The following RC3H1 variants were observed in gnomAD, a reference collection of about 807,000 sequenced individuals.
RC3H1 encodes roquin-1.
RC3H1 carries 50 observed loss-of-function variants against 138.2 expected under a neutral mutation model. The ratio of observed to expected loss-of-function variants is 0.36; its 90% CI spans 0.29 to 0.46. The LOEUF (loss-of-function observed/expected upper bound fraction) is 0.46. Among genes scored for constraint, RC3H1 ranks in the 20% least tolerant of loss-of-function variants. The pLI, the probability that RC3H1 is intolerant of heterozygous loss-of-function variation, is 1.00. For missense variants in RC3H1, 1,031 were observed against 1,388.1 expected, an observed-to-expected ratio of 0.74 and a Z score of 4.09; for synonymous variants, 462 against 489.1, an observed-to-expected ratio of 0.94 and a Z score of 0.73.
chr1:173,966,441 C>T (rs1028358301), intron 9 of RC3H1, among the ~76,000 whole-genome samples: 2 of 152,060 alleles, frequency 1.3e-5, no homozygotes, highest in Admixed American at 6.5e-5. Flanking sequence ...CTCGGCTTGG[C>T]GCGGTGGCTC....
intron 1 of RC3H1, among the ~76,000 whole-genome samples, chr1:174,004,676 G>T (rs1299636782): frequency 6.6e-6 from 1 of 151,948 alleles, no homozygotes; most frequent in East Asian, 1.9e-4. Context: ...AAATTAGCTG[G>T]GCATAGTGGC....
intron 13 of RC3H1, among the ~76,000 whole-genome samples, chr1:173,955,215 A>T (rs7514069): frequency 2.4e-5 from 3 of 125,112 alleles, no homozygotes; most frequent in Middle Eastern, 4.6e-3. Context: ...GACAGTGTGA[A>T]ACTCTGTCAC....
intron 9 of RC3H1, among the ~76,000 whole-genome samples, chr1:173,967,072 A>G (rs1660152873): frequency 6.6e-6 from 1 of 152,188 alleles, no homozygotes; most frequent in African/African-American, 2.4e-5. Flanking sequence ...CTGTAATCCC[A>G]GCACTTTGGG....
intron 1 of RC3H1, among the ~76,000 whole-genome samples, chr1:173,997,971 C>T (rs946978057): frequency 6.6e-6 from 1 of 152,138 alleles, no homozygotes; most frequent in Non-Finnish European, 1.5e-5. Flanking sequence ...TTCTCAAAGA[C>T]AGTTTATATA....
chr1:173,988,491 T>G (rs12566842), intron 2 of RC3H1, among the ~76,000 whole-genome samples: 14,166 of 152,274 alleles, frequency 0.093, 881 homozygotes, highest in East Asian at 0.22. Context: ...TATTAAAAGA[T>G]ATCTCAACTG....
At chr1:173,968,929 G>C (rs928960442) in intron 9 of RC3H1, among the ~76,000 whole-genome samples, 2 of 147,238 alleles carry the variant, frequency 1.4e-5, no homozygotes, top group Non-Finnish European at 3.0e-5. Flanking sequence ...TGCAATCTCG[G>C]CTCACTGCAA....
At chr1:173,954,445 G>T (rs907239367) in intron 13 of RC3H1, among the ~76,000 whole-genome samples, 1 of 152,098 alleles carries the variant, frequency 6.6e-6, no homozygotes, top group Non-Finnish European at 1.5e-5. Context: ...GAAGGGGAGA[G>T]AGCTTGGTTA....
rs761237712 is a variant in RC3H1, at chr1:173,961,175, G to A, written c.2272C>T (p.Arg758Ter). Residue 758 changes from arginine (R) to a stop codon, truncating the protein, a stop_gained, in exon 13 of 20, where the codon CGA (arginine) becomes TGA (stop). Transcript: ENST00000367696. LOFTEE classifies it high-confidence loss of function. Reference protein sequence around the residue: ...HPSLDELHRRRKEIMAQLEER... With the variant: ...HPSLDELHRR ...TCTAGCTGGGCCATTATTTCCTTTCGTCGGCGATGTAGTTCATCTAGACTA... is the reference window on the plus strand; with the variant it reads ...TCTAGCTGGGCCATTATTTCCTTTCATCGGCGATGTAGTTCATCTAGACTA... 4 of 1,613,938 alleles carry A rather than the reference G, an allele frequency of 2.5e-6. No individual in the cohort carries two copies. Among genetic ancestry groups the A allele is most frequent in the Admixed American group, 1.7e-5 (1 of 59,986 alleles).
intron 11 of RC3H1, among the ~76,000 whole-genome samples, chr1:173,962,495 AG>A (rs1659927683): frequency 6.6e-6 from 1 of 152,222 alleles, no homozygotes; most frequent in Non-Finnish European, 1.5e-5. Context: ...GGAACACAAA[AG>A]GCCAATTTTG....
At chr1:174,006,859 A>T (rs1230195567) in intron 1 of RC3H1, among the ~76,000 whole-genome samples, 1 of 152,214 alleles carries the variant, frequency 6.6e-6, no homozygotes, top group African/African-American at 2.4e-5. Context: ...TGAATCATAT[A>T]TCTTAAGACG....
chr1:173,946,949 C>T lies in RC3H1; in HGVS notation c.2738-113G>A, dbSNP rs1180962101. 2.5e-5 allele frequency: 18 copies of T among 710,422 alleles called. No individual in the cohort carries two copies. In the South Asian group the frequency reaches 3.2e-4, roughly 12 times the overall value. 44.0% of individuals were successfully genotyped at this position (710,422 alleles called of 1,614,324 possible). A position where few individuals can be genotyped will look rare whatever the true frequency, so the allele number is the denominator to read the frequency against. ...CATACACAGGTATCTGGTATCTACC[C>T]TAAATGTCCAGATTTTTAAAATTCT... On this transcript the variant is annotated intron_variant, in intron 15 of 19. Coordinates refer to ENST00000367696, the MANE Select transcript of RC3H1 (RefSeq NM_172071.4).
At chr1:174,003,085 T>C (rs1475476012) in intron 1 of RC3H1, among the ~76,000 whole-genome samples, 2 of 152,136 alleles carry the variant, frequency 1.3e-5, no homozygotes, top group African/African-American at 4.8e-5. Flanking sequence ...TACCAATTAC[T>C]GTGATAAAAG....
intron 2 of RC3H1, 44 bp downstream of exon 2, chr1:173,992,711 G>A: frequency 7.1e-7 from 1 of 1,401,258 alleles, no homozygotes; most frequent in East Asian, 2.3e-5. Context: ...GAGAGAGAGA[G>A]AGAGAGAGGG....
At chr1:173,939,727 C>T (rs1051766029) in intron 19 of RC3H1, among the ~76,000 whole-genome samples, 6 of 149,376 alleles carry the variant, frequency 4.0e-5, no homozygotes, top group Non-Finnish European at 7.4e-5. Flanking sequence ...CCCAGCTACT[C>T]GGGAGGCTGA....
rs1553232033 is a variant in RC3H1 at position 173,992,699 on chromosome 1, C to CAG, written c.231+54_231+55dup. 4.8e-3 allele frequency: 3,564 copies of CAG among 737,830 alleles called. 6 individuals carry two copies. Among genetic ancestry groups the CAG allele is most frequent in the Admixed American group, 0.016 (586 of 37,478 alleles). The allele number at this position is 737,830 out of a possible 1,614,324, so 45.7% of individuals were successfully genotyped here. A position where few individuals can be genotyped will look rare whatever the true frequency, so the allele number is the denominator to read the frequency against. ...ACACACACACACACACACACACACA[C>CAG]AGAGAGAGAGAGAGAGAGAGGGAGA... is the stretch of plus-strand genomic sequence containing the variant. On this transcript the variant is annotated intron_variant, in intron 2 of 19. Coordinates refer to ENST00000367696, the MANE Select transcript of RC3H1 (RefSeq NM_172071.4).
chr1:173,972,347 G>C (rs1660392009), intron 8 of RC3H1, among the ~76,000 whole-genome samples, 162 bp downstream of exon 8: 1 of 152,192 alleles, frequency 6.6e-6, no homozygotes, highest in African/African-American at 2.4e-5. Context: ...GCAGTAAACT[G>C]TTAACCATGC....
chr1:174,013,383 G>A (rs1661805070), intron 1 of RC3H1, among the ~76,000 whole-genome samples: 1 of 151,656 alleles, frequency 6.6e-6, no homozygotes, highest in Non-Finnish European at 1.5e-5. Flanking sequence ...CTGGTGAGAC[G>A]GAGGAATTAA....
intron 17 of RC3H1, among the ~76,000 whole-genome samples, chr1:173,945,058 C>A (rs78999671): frequency 0.018 from 2,756 of 151,898 alleles, 76 homozygotes; most frequent in African/African-American, 0.063. Context: ...TATGTTCCAA[C>A]GTAAAGGATG....
chr1:173,980,123 C>T (rs965574002), intron 6 of RC3H1, among the ~76,000 whole-genome samples: 3 of 151,660 alleles, frequency 2.0e-5, no homozygotes, highest in African/African-American at 7.3e-5. Context: ...AGCAATCCCC[C>T]CACCTTGGCC....
Sources: gnomAD v4.1 joint callset for allele counts (sites outside exome capture counted in the v4.1 genomes callset) on GRCh38, gnomAD v4.1.1 for gene constraint, MANE v1.5 for transcripts, NCBI Gene and HGNC (gene_info 2026-07-23, HGNC 2026-07-21) for gene names.